CCDC7: variants seen among roughly 807,000 people sequenced by gnomAD.
The protein encoded by CCDC7 is coiled-coil domain-containing protein 7.
A neutral mutation model predicts 196.9 loss-of-function variants in CCDC7; 183 were observed. The ratio of observed to expected loss-of-function variants is 0.93; its 90% CI spans 0.82 to 1.05. CCDC7 has a LOEUF of 1.05. Ranked by LOEUF, CCDC7 falls within the 50% of genes least tolerant of loss-of-function variation. The probability of loss-of-function intolerance (pLI) is 0.00; values close to 1 mark genes in which losing one functional copy is unlikely to be tolerated. For synonymous variants in CCDC7, 525 were observed against 484.6 expected (o/e 1.08, Z -1.10); for missense variants, 1,540 against 1,482.2 (o/e 1.04, Z -0.64).
chr10:32,662,130 G>T (rs570998127), intron 20 of CCDC7, among the ~76,000 whole-genome samples: 1 of 152,240 alleles, frequency 6.6e-6, no homozygotes, highest in African/African-American at 2.4e-5. Context: ...CCATGACAGG[G>T]TAGCACTGAG....
At chr10:32,773,806 G>A (rs777292367) in intron 28 of CCDC7, among the ~76,000 whole-genome samples, 8 of 151,936 alleles carry the variant, frequency 5.3e-5, no homozygotes, top group Admixed American at 1.3e-4. Context: ...GATAGTGTTA[G>A]GTCTTTATTG....
chr10:32,775,088 G>A (rs1445997589), intron 28 of CCDC7, among the ~76,000 whole-genome samples: 1 of 152,162 alleles, frequency 6.6e-6, no homozygotes, highest in African/African-American at 2.4e-5. Context: ...GTCCATCAGT[G>A]TGGTTTCTTC....
intron 33 of CCDC7, among the ~76,000 whole-genome samples, chr10:32,839,991 A>T (rs962609029): frequency 6.6e-6 from 1 of 152,122 alleles, no homozygotes; most frequent in African/African-American, 2.4e-5. Flanking sequence ...AACCTCTGGG[A>T]TACAGCAAAA....
chr10:32,490,194 C>G (rs1315365013), intron 8 of CCDC7, among the ~76,000 whole-genome samples: 2 of 152,134 alleles, frequency 1.3e-5, no homozygotes, highest in African/African-American at 2.4e-5. Context: ...GCTTTACTAT[C>G]TTGCTGCAAC....
At chr10:32,578,663 G>A (rs1034308544) in intron 16 of CCDC7, among the ~76,000 whole-genome samples, 1 of 151,918 alleles carries the variant, frequency 6.6e-6, no homozygotes, top group Non-Finnish European at 1.5e-5. Flanking sequence ...TAATGCAAGC[G>A]ATGGGAGAGT....
At chr10:32,729,452 G>T in exon 28 of CCDC7, 1 of 1,200,348 alleles carries the variant, frequency 8.3e-7, no homozygotes, top group Non-Finnish European at 1.2e-6. Context: ...GTAACTTCAA[G>T]AAAAAGTAAG....
intron 6 of CCDC7, among the ~76,000 whole-genome samples, chr10:32,471,747 G>GAAT (rs1175084670): frequency 6.6e-6 from 1 of 152,040 alleles, no homozygotes; most frequent in Non-Finnish European, 1.5e-5. Context: ...TGTTAAAATA[G>GAAT]AATATACATA....
intron 16 of CCDC7, among the ~76,000 whole-genome samples, chr10:32,582,139 T>TATATATATATATATATATATAC (rs1201465796): frequency 9.2e-5 from 12 of 131,056 alleles, no homozygotes; most frequent in African/African-American, 3.4e-4. Flanking sequence ...TATATATATA[T>TATATATATATATATATATATAC]ACTTTTTTTT....
rs565078602 is a variant in CCDC7 at position 32,574,921 on chromosome 10, C to T, written c.1454+3028C>T. ...TTAAATTTACTCATTCATTTATTCA[C>T]CCAACTCATTCAAGAGATACTTTTG... On this transcript the variant is annotated intron_variant, in intron 16 of 41. Transcript: ENST00000639629. Among the ~76,000 whole-genome samples, 15 of 152,232 alleles carry T rather than the reference C, an allele frequency of 9.9e-5. No homozygotes were observed. The East Asian group carries it at 2.9e-3, about 29-fold the overall frequency.
intron 17 of CCDC7, among the ~76,000 whole-genome samples, chr10:32,583,884 G>A (rs1489525088): frequency 6.6e-6 from 1 of 151,912 alleles, no homozygotes; most frequent in African/African-American, 2.4e-5. Flanking sequence ...TAAGCCATTT[G>A]AGTTCTTCTA....
rs12269423 is a variant in CCDC7 at position 32,790,677 on chromosome 10, T to C, written c.3013+11593T>C. Among the ~76,000 whole-genome samples, 863 of 152,230 alleles carry C rather than the reference T, an allele frequency of 5.7e-3. 14 individuals carry two copies. Among genetic ancestry groups the C allele is most frequent in the African/African-American group, 0.02 (831 of 41,538 alleles). ...AGGGCCTGAGCCTTTGGAATGCATT[T>C]TTTCTCCACAGCTGTGTCAGTGCTT... On this transcript the variant is annotated intron_variant, in intron 29 of 41. Transcript: ENST00000639629.
At chr10:32,553,560 G>T (rs1246481058) in intron 13 of CCDC7, among the ~76,000 whole-genome samples, 1 of 152,138 alleles carries the variant, frequency 6.6e-6, no homozygotes, top group Non-Finnish European at 1.5e-5. Context: ...TCTTAGGGAA[G>T]GTCTAGGGCT....
intron 18 of CCDC7, among the ~76,000 whole-genome samples, chr10:32,585,295 G>C (rs17585213): frequency 6.6e-6 from 1 of 152,058 alleles, no homozygotes; most frequent in Non-Finnish European, 1.5e-5. Flanking sequence ...GGATGGTCTC[G>C]ATCTCCTGAC....
At chr10:32,842,662 A>G (rs2093044009) in intron 33 of CCDC7, among the ~76,000 whole-genome samples, 1 of 152,136 alleles carries the variant, frequency 6.6e-6, no homozygotes, top group Non-Finnish European at 1.5e-5. Flanking sequence ...TAGCAGTACT[A>G]TTTGCCATTG....
intron 17 of CCDC7, 99 bp downstream of exon 18, chr10:32,583,406 C>CTTTTTTTTTTT: frequency 1.2e-6 from 1 of 804,650 alleles, no homozygotes; most frequent in Non-Finnish European, 1.7e-6. Flanking sequence ...TCAATATTTT[C>CTTTTTTTTTTT]TTATTTCAAG....
chr10:32,458,296 C>T (rs1588738065), intron 3 of CCDC7, among the ~76,000 whole-genome samples: 1 of 151,820 alleles, frequency 6.6e-6, no homozygotes, highest in Non-Finnish European at 1.5e-5. Flanking sequence ...GTCTTTTTCC[C>T]AATGTTCTTG....
At chr10:32,624,984 GTTTTTTTTTTTTT>G (rs35752534) in intron 18 of CCDC7, among the ~76,000 whole-genome samples, 2 of 51,660 alleles carry the variant, frequency 3.9e-5, no homozygotes, top group Non-Finnish European at 7.3e-5. Flanking sequence ...CTTTGCACAA[GTTTTTTTTTTTTT>G]TTTTTTTTTT....
chr10:32,666,120 CTTTT>C (rs35052301), intron 21 of CCDC7, among the ~76,000 whole-genome samples: 4 of 130,790 alleles, frequency 3.1e-5, no homozygotes, highest in African/African-American at 8.4e-5. Flanking sequence ...TATTCTTTTT[CTTTT>C]TTTTTTTTTT....
chr10:32,701,218 G>A (rs2078661255), intron 24 of CCDC7, among the ~76,000 whole-genome samples: 1 of 152,136 alleles, frequency 6.6e-6, no homozygotes, highest in Non-Finnish European at 1.5e-5. Flanking sequence ...TTATTATTTT[G>A]AGATATGTCC....
Sources: allele counts gnomAD v4.1 joint callset (sites outside exome capture counted in the v4.1 genomes callset), GRCh38; gene constraint gnomAD v4.1.1; transcripts MANE v1.5; gene names NCBI Gene and HGNC (gene_info 2026-07-23, HGNC 2026-07-21).